DAB1: variants seen among roughly 807,000 people sequenced by gnomAD.
DAB1 encodes the protein disabled homolog 1.
DAB1 carries 15 observed loss-of-function variants against 64.6 expected under a neutral mutation model. The observed-to-expected ratio is 0.23, with a 90% CI of 0.16 to 0.36. The LOEUF (loss-of-function observed/expected upper bound fraction) is 0.36. Ranked by LOEUF, DAB1 falls within the 10% of genes least tolerant of loss-of-function variation. The pLI is 1.00. For missense variants in DAB1, 596 were observed against 706.7 expected, an observed-to-expected ratio of 0.84 and a Z score of 1.78; for synonymous variants, 235 against 251.9, an observed-to-expected ratio of 0.93 and a Z score of 0.64.
intron 3 of DAB1, among the ~76,000 whole-genome samples, chr1:58,482,376 G>A (rs1218010000): frequency 6.6e-6 from 1 of 152,204 alleles, no homozygotes; most frequent in Non-Finnish European, 1.5e-5. Flanking sequence ...AGGGTTGAGG[G>A]ACTGGCTGCT....
chr1:57,921,759 G>C (rs1390341745), intron 5 of DAB1, among the ~76,000 whole-genome samples: 2 of 151,346 alleles, frequency 1.3e-5, no homozygotes, highest in Non-Finnish European at 2.9e-5. Flanking sequence ...ACCTGTCAAA[G>C]CAGGAAATCC....
At position 57,065,769 on chromosome 1, in the gene DAB1, C is replaced by T. The variant is rs553381513; in HGVS notation, c.664-2826G>A. ...CAAATCCTGGGTCTGCCACAGGCTGCGACTCAGACAGTCGCTTTGCTCTCT... is the reference window on the plus strand; with the variant it reads ...CAAATCCTGGGTCTGCCACAGGCTGTGACTCAGACAGTCGCTTTGCTCTCT... On this transcript the variant is annotated intron_variant, in intron 8 of 14. Transcript: ENST00000371236. Among the ~76,000 whole-genome samples, 3 of 152,250 alleles carry T rather than the reference C, an allele frequency of 2.0e-5. No homozygotes were observed. The East Asian group carries it at 5.8e-4, about 29-fold the overall frequency.
intron 4 of DAB1, among the ~76,000 whole-genome samples, chr1:58,261,692 T>C (rs1040919333): frequency 6.6e-6 from 1 of 152,026 alleles, no homozygotes; most frequent in Non-Finnish European, 1.5e-5. Context: ...AAAGACAAGC[T>C]TTGAGATCAA....
At chr1:57,553,145 T>C (rs957761388) in intron 7 of DAB1, among the ~76,000 whole-genome samples, 5 of 151,820 alleles carry the variant, frequency 3.3e-5, no homozygotes, top group Non-Finnish European at 7.4e-5. Context: ...AAATCTGAGG[T>C]ACCTATGGGT....
intron 7 of DAB1, among the ~76,000 whole-genome samples, chr1:57,443,734 T>A (rs1029680133): frequency 6.6e-6 from 1 of 152,226 alleles, no homozygotes; most frequent in African/African-American, 2.4e-5. Context: ...AATTCCTACC[T>A]CCAACATGGA....
intron 5 of DAB1, chr1:58,074,572 A>ATGTGTGTGTGTG (rs1557639037): frequency 3.4e-5 from 4 of 117,960 alleles, no homozygotes; most frequent in South Asian, 2.7e-4. Context: ...GTGTATATAT[A>ATGTGTGTGTGTG]TATATATATA....
intron 5 of DAB1, among the ~76,000 whole-genome samples, chr1:57,976,268 C>T (rs1292961912): frequency 6.6e-6 from 1 of 152,192 alleles, no homozygotes; most frequent in Non-Finnish European, 1.5e-5. Flanking sequence ...AAGCAGTGCA[C>T]CACTCAGCAG....
At chr1:57,343,826 G>A (rs528544683) in intron 1 of DAB1, among the ~76,000 whole-genome samples, 75 of 152,348 alleles carry the variant, frequency 4.9e-4, no homozygotes, top group African/African-American at 1.8e-3. Context: ...AGCTGGCTCT[G>A]GCCTTGGCCA....
chr1:58,401,813 G>A (rs897607605), intron 3 of DAB1, among the ~76,000 whole-genome samples: 2 of 152,200 alleles, frequency 1.3e-5, no homozygotes, highest in African/African-American at 4.8e-5. Flanking sequence ...TGTAACTGAT[G>A]TCTTTTTAAA....
intron 6 of DAB1, among the ~76,000 whole-genome samples, chr1:57,799,764 C>T (rs1227053096): frequency 7.9e-5 from 12 of 152,020 alleles, no homozygotes; most frequent in African/African-American, 1.9e-4. Flanking sequence ...AATAATTTTT[C>T]GTGACACATG....
chr1:58,083,823 A>G (rs973939501), intron 5 of DAB1, among the ~76,000 whole-genome samples: 5 of 152,234 alleles, frequency 3.3e-5, no homozygotes, highest in Non-Finnish European at 5.9e-5. Flanking sequence ...GGGATTAGAG[A>G]GTAGTCAATG....
At chr1:57,732,126 A>C (rs1033278953) in intron 6 of DAB1, among the ~76,000 whole-genome samples, 1 of 152,202 alleles carries the variant, frequency 6.6e-6, no homozygotes, top group African/African-American at 2.4e-5. Flanking sequence ...CTTGGGAAGA[A>C]CAGTGGTGGT....
chr1:57,076,899 T>C (rs190275487), intron 4 of DAB1, among the ~76,000 whole-genome samples: 28 of 152,362 alleles, frequency 1.8e-4, no homozygotes, highest in Middle Eastern at 3.4e-3. Flanking sequence ...ATTGAGTGCC[T>C]ATTATGTTGC....
rs560160108 is a variant in DAB1 at position 57,748,598 on chromosome 1, C to A, written n.552-98933G>T. ...TGGAAGGTAGAGCCAAGGCAATGGG[C>A]AGAAGTTACTGAAATTTAGATTTAA... On this transcript the variant is annotated intron_variant and non_coding_transcript_variant, in intron 6 of 20. Transcript: ENST00000485760. Among the ~76,000 whole-genome samples the A allele has an allele frequency of 4.9e-4, 74 of 152,232 alleles. No individual in the cohort carries two copies. In the Middle Eastern group the frequency reaches 0.01, roughly 21 times the overall value.
chr1:58,107,123 A>G (rs182261299), intron 5 of DAB1, among the ~76,000 whole-genome samples: 1 of 151,954 alleles, frequency 6.6e-6, no homozygotes, highest in East Asian at 1.9e-4. Context: ...ATTTCAATAT[A>G]GTGTGATAAG....
At chr1:57,207,053 C>T (rs1351920663) in intron 2 of DAB1, among the ~76,000 whole-genome samples, 2 of 146,772 alleles carry the variant, frequency 1.4e-5, no homozygotes, top group Non-Finnish European at 3.0e-5. Context: ...ACTGCAACCT[C>T]CGCCTCCCAG....
At chr1:58,428,891 C>A (rs529778568) in intron 3 of DAB1, among the ~76,000 whole-genome samples, 1 of 152,192 alleles carries the variant, frequency 6.6e-6, no homozygotes, top group Non-Finnish European at 1.5e-5. Context: ...CAAGAACAGG[C>A]AAAACTCATT....
chr1:57,623,139 C>T (rs900942124), intron 7 of DAB1, among the ~76,000 whole-genome samples: 2 of 152,220 alleles, frequency 1.3e-5, no homozygotes, highest in Middle Eastern at 3.4e-3. Context: ...TGCCATCAAA[C>T]GAGCCTGCTG....
chr1:57,332,083 C>T (rs1300209125), intron 1 of DAB1, among the ~76,000 whole-genome samples: 1 of 152,188 alleles, frequency 6.6e-6, no homozygotes, highest in Non-Finnish European at 1.5e-5. Flanking sequence ...CGGGCCTCAG[C>T]CTCCTGAGTA....
Sources: allele counts gnomAD v4.1 joint callset (sites outside exome capture counted in the v4.1 genomes callset), GRCh38; gene constraint gnomAD v4.1.1; transcripts MANE v1.5; gene names NCBI Gene and HGNC (gene_info 2026-07-23, HGNC 2026-07-21).